Variants in MAD1L1 observed in about 807,000 individuals in gnomAD.
The protein encoded by MAD1L1 is mitotic spindle assembly checkpoint protein MAD1.
MAD1L1 carries 95 observed loss-of-function variants against 96.9 expected under a neutral mutation model. The ratio of observed to expected loss-of-function variants is 0.98; its 90% CI spans 0.83 to 1.16. The LOEUF (loss-of-function observed/expected upper bound fraction) is 1.16, where lower values mean the gene tolerates loss of function less well. MAD1L1 is among the 50% of genes most tolerant of loss of function. The pLI is 0.00. For synonymous variants in MAD1L1, 473 were observed against 396.6 expected, an observed-to-expected ratio of 1.19 and a Z score of -2.29; for missense variants, 1,007 against 954.4, an observed-to-expected ratio of 1.06 and a Z score of -0.73.
chr7:1,955,269 G>A (rs1407157856), intron 16 of MAD1L1, among the ~76,000 whole-genome samples: 1 of 152,226 alleles, frequency 6.6e-6, no homozygotes, highest in Non-Finnish European at 1.5e-5. Flanking sequence ...AGCAGGGAGA[G>A]GAGAGGGCAT....
intron 15 of MAD1L1, among the ~76,000 whole-genome samples, chr7:1,971,827 A>C (rs1006934132): frequency 3.3e-5 from 5 of 152,196 alleles, no homozygotes; most frequent in African/African-American, 1.2e-4. Flanking sequence ...CTTTGACACC[A>C]CAAGCTCCCC....
Position 2,070,227 on chromosome 7 carries a change from C to G in MAD1L1, c.1074-889G>C, listed in dbSNP as rs1482119675. Among the ~76,000 whole-genome samples the G allele has an allele frequency of 2.0e-5, 3 of 152,244 alleles. No homozygotes were observed. In the East Asian group the frequency reaches 5.8e-4, roughly 29 times the overall value. On this transcript the variant is annotated intron_variant, in intron 11 of 18. Transcript: ENST00000265854. Reference sequence around the variant, plus strand: ...GGACAAATGACAGCGTCCACTGACCCTGACTGCAGAACCCACCCATGATGC... The same window carrying G: ...GGACAAATGACAGCGTCCACTGACCGTGACTGCAGAACCCACCCATGATGC...
intron 12 of MAD1L1, among the ~76,000 whole-genome samples, chr7:2,023,905 C>T (rs575838536): frequency 6.8e-4 from 104 of 151,984 alleles, no homozygotes; most frequent in African/African-American, 2.3e-3. Flanking sequence ...GCCGAGATCA[C>T]GCCACTGCAC....
intron 17 of MAD1L1, among the ~76,000 whole-genome samples, chr7:1,899,845 G>A (rs888833997): frequency 3.3e-5 from 5 of 152,196 alleles, no homozygotes; most frequent in Non-Finnish European, 7.4e-5. Flanking sequence ...TCCTGGAGGT[G>A]AGCAGGGACA....
chr7:2,095,389 A>G (rs1786434606), intron 11 of MAD1L1, among the ~76,000 whole-genome samples: 2 of 136,710 alleles, frequency 1.5e-5, no homozygotes, highest in South Asian at 2.2e-4. Flanking sequence ...AGATAAAAAA[A>G]GAAAAGAAAA....
intron 12 of MAD1L1, among the ~76,000 whole-genome samples, chr7:2,027,539 G>A (rs1426969300): frequency 2.6e-5 from 4 of 152,166 alleles, no homozygotes; most frequent in Admixed American, 6.5e-5. Flanking sequence ...TGTAAGTTTG[G>A]TTTAACATTT....
At chr7:2,046,019 A>C (rs1475556000) in intron 12 of MAD1L1, among the ~76,000 whole-genome samples, 1 of 152,202 alleles carries the variant, frequency 6.6e-6, no homozygotes, top group African/African-American at 2.4e-5. Flanking sequence ...CTGTAAGGGA[A>C]GGACTTCCTG....
chr7:2,213,538 G>A (rs1002169), intron 9 of MAD1L1, among the ~76,000 whole-genome samples: 24,300 of 152,154 alleles, frequency 0.16, 2,365 homozygotes, highest in Middle Eastern at 0.26. Context: ...TAAAAGCAAC[G>A]TGTGGCTGTG....
At chr7:2,011,372 C>A (rs1252041892) in intron 13 of MAD1L1, among the ~76,000 whole-genome samples, 1 of 152,220 alleles carries the variant, frequency 6.6e-6, no homozygotes, top group Non-Finnish European at 1.5e-5. Flanking sequence ...TCCTGCTGGG[C>A]CCCCGCCTTC....
chr7:1,925,219 A>G (rs1198063698), intron 17 of MAD1L1, among the ~76,000 whole-genome samples: 2 of 152,164 alleles, frequency 1.3e-5, no homozygotes, highest in African/African-American at 4.8e-5. Flanking sequence ...TACCAAATAA[A>G]CTTTAAATTG....
chr7:1,964,547 A>G (rs1278609748), intron 15 of MAD1L1, among the ~76,000 whole-genome samples: 1 of 152,238 alleles, frequency 6.6e-6, no homozygotes, highest in Admixed American at 6.5e-5. Context: ...TGGTGCTCAA[A>G]AGCTCAGAAT....
intron 11 of MAD1L1, among the ~76,000 whole-genome samples, chr7:2,125,560 G>A (rs1788193549): frequency 1.3e-5 from 2 of 152,190 alleles, no homozygotes; most frequent in Non-Finnish European, 2.9e-5. Flanking sequence ...GGCCTGCTGT[G>A]GCAAACCCAA....
intron 13 of MAD1L1, among the ~76,000 whole-genome samples, chr7:2,010,983 A>G (rs1381946746): frequency 6.6e-6 from 1 of 152,212 alleles, no homozygotes; most frequent in Non-Finnish European, 1.5e-5. Context: ...GAGGACAGAA[A>G]GAAAATCAAG....
intron 16 of MAD1L1, among the ~76,000 whole-genome samples, chr7:1,952,586 C>G (rs1212064446): frequency 7.6e-6 from 1 of 131,288 alleles, no homozygotes. Context: ...CACAGAGGTG[C>G]GTGAAGGTGG....
chr7:2,087,147 G>A (rs970773100), intron 11 of MAD1L1, among the ~76,000 whole-genome samples: 11 of 152,100 alleles, frequency 7.2e-5, no homozygotes, highest in African/African-American at 2.7e-4. Context: ...AACTCTTAGG[G>A]TGATGGAACT....
rs1258137690 is a variant in MAD1L1, at chr7:2,114,495, C to G, written c.1073+34657G>C. Among the ~76,000 whole-genome samples the G allele has an allele frequency of 6.6e-6, 1 of 152,224 alleles. No homozygotes were observed. The highest frequency in any genetic ancestry group is 1.5e-5 in the Non-Finnish European group (1 of 68,032). ...ATTGCGAGAAATGAAAGCCTGGCTG[C>G]CGGGATCAATCTTGCGGGTCACCTC... On this transcript the variant is annotated intron_variant, in intron 11 of 18. Coordinates refer to ENST00000265854, the MANE Select transcript of MAD1L1 (RefSeq NM_001013836.2). This position sits in a 1 kb window ranked among gnomAD's most constrained non-coding sequence, Gnocchi z 4.2.
intron 14 of MAD1L1, among the ~76,000 whole-genome samples, chr7:1,982,675 C>A (rs998784170): frequency 6.6e-6 from 1 of 152,186 alleles, no homozygotes; most frequent in African/African-American, 2.4e-5. Flanking sequence ...TCCTCCTTCC[C>A]AATATTGATA....
In MAD1L1 at chr7:2,014,772, C is replaced by T; in HGVS notation, c.1219-130G>A. The T allele has an allele frequency of 2.8e-6, 3 of 1,055,342 alleles. No homozygotes were observed. The South Asian group carries it at 5.6e-5, about 20-fold the overall frequency. 65.4% of individuals were successfully genotyped at this position (1,055,342 alleles called of 1,614,324 possible). On this transcript the variant is annotated intron_variant, in intron 12 of 18. Transcript: ENST00000265854. Reference sequence around the variant, plus strand: ...CCTCGTGAGGACCCAGGCCAGCACTCAGAGCCCACCCCTGAGGGCCCACCA... The same window carrying T: ...CCTCGTGAGGACCCAGGCCAGCACTTAGAGCCCACCCCTGAGGGCCCACCA...
At chr7:1,993,477 C>T (rs1781435261) in intron 14 of MAD1L1, among the ~76,000 whole-genome samples, 2 of 152,204 alleles carry the variant, frequency 1.3e-5, no homozygotes, top group African/African-American at 4.8e-5. Flanking sequence ...AAGGTCACGA[C>T]GTATCAGACA....
Sources: gnomAD v4.1 joint callset for allele counts (sites outside exome capture counted in the v4.1 genomes callset) on GRCh38, gnomAD v4.1.1 for gene constraint, Gnocchi (gnomAD v3.1) non-coding constraint, MANE v1.5 for transcripts, NCBI Gene and HGNC (gene_info 2026-07-23, HGNC 2026-07-21) for gene names.